Variants in LRPAP1 observed in about 807,000 individuals in gnomAD.
LRPAP1 encodes the protein alpha-2-macroglobulin receptor-associated protein.
In LRPAP1, 41 loss-of-function variants were observed where a neutral mutation model predicts 39.9. The ratio of observed to expected loss-of-function variants is 1.03; its 90% CI spans 0.80 to 1.33. The LOEUF (loss-of-function observed/expected upper bound fraction) is 1.33. LRPAP1 is among the 40% of genes most tolerant of loss of function. The pLI is 0.00. For missense variants in LRPAP1, 565 were observed against 482.3 expected (o/e 1.17, Z -1.61); for synonymous variants, 263 against 212.7 (o/e 1.24, Z -2.06).
intron 7 of LRPAP1, 53 bp from the exon 8 acceptor site, chr4:3,513,089 C>T: frequency 7.1e-7 from 1 of 1,407,810 alleles, no homozygotes; most frequent in Non-Finnish European, 9.9e-7. Context: ...GAGGCCAGCT[C>T]TGTGAGCTCA....
In LRPAP1 at chr4:3,522,837, G is replaced by A. The variant is rs1004614804; in HGVS notation, c.349+2070C>T. 5.9e-5 allele frequency among the ~76,000 whole-genome samples: 9 copies of A among 152,248 alleles called. No individual in the cohort carries two copies. The East Asian group carries it at 7.7e-4, about 13-fold the overall frequency. ...AGAGCAGGGCAGGGCAGAGTGGAGC[G>A]TGGCCCGTCTGTCTCAGGGTGGACC... On this transcript the variant is annotated intron_variant, in intron 2 of 7. Coordinates refer to ENST00000650182, the MANE Select transcript of LRPAP1 (RefSeq NM_002337.4).
chr4:3,514,510 CG>C (rs1729630756), intron 7 of LRPAP1, among the ~76,000 whole-genome samples: 1 of 152,240 alleles, frequency 6.6e-6, no homozygotes, highest in African/African-American at 2.4e-5. Flanking sequence ...AGTGGCCCGC[CG>C]GGGCCTGCGC....
Position 3,509,023 on chromosome 4 carries a change from C to G in LRPAP1, c.*3951G>C, listed in dbSNP as rs769044181. On this transcript the variant is annotated 3_prime_UTR_variant, in exon 8 of 8. Transcript: ENST00000650182. ...CCATGGCCAAGGCGGGAGTTTAGGG[C>G]ACAGGATTAAAGCACCACGCACAGG... is the stretch of plus-strand genomic sequence containing the variant. The G allele has an allele frequency of 6.6e-6, 1 of 152,246 alleles. No individual in the cohort carries two copies. The highest frequency in any genetic ancestry group is 1.5e-5 in the Non-Finnish European group (1 of 68,052). The allele number at this position is 152,246 out of a possible 1,614,324, so 9.4% of individuals were successfully genotyped here.
At position 3,529,338 on chromosome 4, in the gene LRPAP1, A is replaced by C. The variant is rs191337050; in HGVS notation, c.204+2871T>G. ...ACTCTGTCTCAAAAAAAACAAAAAA[A>C]CAAAAAACCAAAAAAACTAAGGACC... On this transcript the variant is annotated intron_variant, in intron 1 of 7. Transcript: ENST00000650182. Among the ~76,000 whole-genome samples, 763 of 151,894 alleles carry C rather than the reference A, an allele frequency of 5.0e-3. 6 individuals carry two copies. The highest frequency in any genetic ancestry group is 0.017 in the African/African-American group (720 of 41,282).
At chr4:3,521,835 A>G (rs537827615) in intron 2 of LRPAP1, among the ~76,000 whole-genome samples, 10 of 152,128 alleles carry the variant, frequency 6.6e-5, no homozygotes, top group Non-Finnish European at 1.5e-4. Flanking sequence ...GGGAATTTAT[A>G]CCTGAAATAA....
intron 3 of LRPAP1, among the ~76,000 whole-genome samples, chr4:3,519,543 G>C (rs1305949276): frequency 1.3e-5 from 2 of 152,232 alleles, no homozygotes; most frequent in Non-Finnish European, 2.9e-5. Context: ...AAATCAATGT[G>C]ATCCAGAGAA....
At position 3,508,422 on chromosome 4, in the gene LRPAP1, C is replaced by T. The variant is rs549103008; in HGVS notation, c.*4552G>A. On this transcript the variant is annotated 3_prime_UTR_variant, in exon 8 of 8. Coordinates refer to ENST00000650182, the MANE Select transcript of LRPAP1 (RefSeq NM_002337.4). ...TGAAACAAATAATGCCAATCCTATA[C>T]AAACTATGGCAGAACTTGTTTCAGG... 6.6e-6 allele frequency: 1 copy of T among 152,308 alleles called. No homozygotes were observed. Among genetic ancestry groups the T allele is most frequent in the Admixed American group, 6.5e-5 (1 of 15,304 alleles). The allele number at this position is 152,308 out of a possible 1,614,324, so 9.4% of individuals were successfully genotyped here.
intron 1 of LRPAP1, chr4:3,531,965 C>T (rs1302642084): frequency 5.3e-6 from 3 of 567,542 alleles, no homozygotes; most frequent in South Asian, 2.1e-5. Context: ...CACTGACCCT[C>T]GGGGTGCCGG....
Position 3,509,966 on chromosome 4 carries a change from T to C in LRPAP1, c.*3008A>G, listed in dbSNP as rs558292139. On this transcript the variant is annotated 3_prime_UTR_variant, in exon 8 of 8. Transcript: ENST00000650182. Reference sequence around the variant, plus strand: ...AAAAATGCGTTCAAGGGAATTGCTATTGAAATTCCAGAAGGCATGTTTTTT... The same window carrying C: ...AAAAATGCGTTCAAGGGAATTGCTACTGAAATTCCAGAAGGCATGTTTTTT... 8.7e-5 allele frequency: 13 copies of C among 149,388 alleles called. No homozygotes were observed. In the East Asian group the frequency reaches 2.7e-3, roughly 31 times the overall value. The allele number at this position is 149,388 out of a possible 1,614,324, so 9.3% of individuals were successfully genotyped here.
At chr4:3,517,060 T>A (rs775884129) in intron 5 of LRPAP1, among the ~76,000 whole-genome samples, 4 of 152,216 alleles carry the variant, frequency 2.6e-5, no homozygotes, top group Non-Finnish European at 5.9e-5. Flanking sequence ...CTCAGCAAAC[T>A]GCATCGCAGG....
At chr4:3,524,877 CG>C in intron 2 of LRPAP1, 29 bp downstream of exon 2, 1 of 1,608,926 alleles carries the variant, frequency 6.2e-7, no homozygotes, top group Non-Finnish European at 8.5e-7. Context: ...GAGGGATACT[CG>C]ACCTGCATTA....
At chr4:3,524,161 C>T (rs962983550) in intron 2 of LRPAP1, among the ~76,000 whole-genome samples, 2 of 152,134 alleles carry the variant, frequency 1.3e-5, no homozygotes, top group Non-Finnish European at 2.9e-5. Context: ...AGTGCCCTGC[C>T]GACGGGCCCG....
intron 1 of LRPAP1, among the ~76,000 whole-genome samples, chr4:3,526,135 G>A (rs1730073363): frequency 1.3e-5 from 2 of 152,236 alleles, no homozygotes; most frequent in African/African-American, 4.8e-5. Flanking sequence ...TGACGCCAGC[G>A]CATTAAAGCC....
chr4:3,519,031 C>G (rs757695786), intron 3 of LRPAP1, 40 bp from the exon 4 acceptor site: 7 of 1,603,568 alleles, frequency 4.4e-6, no homozygotes, highest in Middle Eastern at 1.8e-4. Flanking sequence ...CCGCCGCGGG[C>G]TCGTGTGGCC....
In LRPAP1 at chr4:3,516,160, C is replaced by A. The variant is rs780698459; in HGVS notation, c.790G>T (p.Ala264Ser). The change falls in exon 6 of 8, where the codon GCG becomes TCG. Residue 264 changes from alanine (A) to serine (S), a missense_variant. Ala to Ser is a moderately conservative substitution (Grantham distance 99). Transcript: ENST00000650182. ...TTGTCCGTGAGGTTGGCGGACTGCG[C>A]CAGGTCCCACAGGTCAATCACCCTG... The part of the protein sequence containing the change: ...EPRVIDLWDL[A>S]QSANLTDKEL... The A allele has an allele frequency of 2.1e-5, 34 of 1,582,658 alleles. No individual in the cohort carries two copies. Among genetic ancestry groups the A allele is most frequent in the Non-Finnish European group, 2.6e-5 (30 of 1,164,968 alleles).
intron 6 of LRPAP1, 127 bp downstream of exon 6, chr4:3,515,989 A>T: frequency 1.1e-6 from 1 of 927,140 alleles, no homozygotes. Flanking sequence ...CCGAGTGGTT[A>T]AGGAAGAAAC....
At position 3,511,235 on chromosome 4, in the gene LRPAP1, C is replaced by A. The variant is rs1236108811; in HGVS notation, c.*1739G>T. ...CCATTAGGTGCTCCTAGAGTTGGCC[C>A]CCACCCCCACCCCCACACGAGTGTT... On this transcript the variant is annotated 3_prime_UTR_variant, in exon 8 of 8. Coordinates refer to ENST00000650182, the MANE Select transcript of LRPAP1 (RefSeq NM_002337.4). 6.7e-6 allele frequency: 1 copy of A among 149,478 alleles called. No homozygotes were observed. Among genetic ancestry groups the A allele is most frequent in the Admixed American group, 6.7e-5 (1 of 14,914 alleles). The allele number at this position is 149,478 out of a possible 1,614,324, so 9.3% of individuals were successfully genotyped here. A position where few individuals can be genotyped will look rare whatever the true frequency, so the allele number is the denominator to read the frequency against.
At chr4:3,514,658 A>C (rs1048243398) in intron 7 of LRPAP1, 94 bp downstream of exon 7, 1 of 1,447,252 alleles carries the variant, frequency 6.9e-7, no homozygotes, top group Non-Finnish European at 9.3e-7. Context: ...TGGGGCCCAC[A>C]CCCCATCTAC....
At chr4:3,516,462 C>A (rs1729707606) in intron 5 of LRPAP1, among the ~76,000 whole-genome samples, 1 of 151,714 alleles carries the variant, frequency 6.6e-6, no homozygotes, top group Non-Finnish European at 1.5e-5. Context: ...GAAACACCTG[C>A]CTCCATCAGA....
Sources: gnomAD v4.1 joint callset for allele counts (sites outside exome capture counted in the v4.1 genomes callset) on GRCh38, gnomAD v4.1.1 for gene constraint, MANE v1.5 for transcripts, NCBI Gene and HGNC (gene_info 2026-07-23, HGNC 2026-07-21) for gene names.